Variants in SLC2A9 observed in about 807,000 individuals in gnomAD.
The protein encoded by SLC2A9 is solute carrier family 2, facilitated glucose transporter member 9.
A neutral mutation model predicts 50.6 loss-of-function variants in SLC2A9; 39 were observed. That is an observed-to-expected ratio of 0.77 (90% CI 0.60 to 1.01). The LOEUF (loss-of-function observed/expected upper bound fraction) is 1.01. Ranked by LOEUF, SLC2A9 falls within the 50% of genes least tolerant of loss-of-function variation. The pLI is 0.00. For missense variants in SLC2A9, 686 were observed against 677.6 expected (o/e 1.01, Z -0.14); for synonymous variants, 324 against 276.9 (o/e 1.17, Z -1.69).
upstream of SLC2A9, among the ~76,000 whole-genome samples, chr4:10,025,483 GAAGA>G (rs139172497): frequency 4.8e-3 from 725 of 152,308 alleles, 7 homozygotes; most frequent in African/African-American, 0.016. Context: ...TGAGTCCCAA[GAAGA>G]AAGAAAGTCA....
intron 6 of SLC2A9, among the ~76,000 whole-genome samples, chr4:9,938,017 T>TC (rs908570543): frequency 3.8e-4 from 58 of 151,986 alleles, no homozygotes; most frequent in African/African-American, 1.3e-3. Flanking sequence ...TTCTCTTTGT[T>TC]CCCCCCCGAA....
At chr4:9,844,203 C>T (rs1454912637) in intron 10 of SLC2A9, among the ~76,000 whole-genome samples, 6 of 128,252 alleles carry the variant, frequency 4.7e-5, no homozygotes, top group South Asian at 2.7e-4. Flanking sequence ...CCTTTCTTTA[C>T]AGAATAACAA....
Position 9,801,449 on chromosome 4 carries a change from G to T in SLC2A9, n.421-2208C>A, listed in dbSNP as rs932181293. On this transcript the variant is annotated intron_variant and non_coding_transcript_variant, in intron 3 of 3. Coordinates refer to the SLC2A9 transcript ENST00000503280. ...CACTTGAGGGTGTGTTTTTGAGCTG[G>T]TTTACACAATAAATTCAACCCCGTT... 2.6e-5 allele frequency among the ~76,000 whole-genome samples: 4 copies of T among 152,174 alleles called. No homozygotes were observed. The East Asian group carries it at 5.8e-4, about 22-fold the overall frequency.
chr4:9,772,803 A>G (rs559257723), intron 1 of SLC2A9, among the ~76,000 whole-genome samples: 3 of 142,438 alleles, frequency 2.1e-5, no homozygotes, highest in Admixed American at 1.5e-4. Context: ...AGCATTAGGG[A>G]TGCCATTTTA....
intron 8 of SLC2A9, among the ~76,000 whole-genome samples, chr4:9,899,193 G>A (rs546521860): frequency 6.6e-6 from 1 of 152,352 alleles, no homozygotes; most frequent in Admixed American, 6.5e-5. Context: ...ATCCTGACAT[G>A]TTGGAATGGA....
chr4:10,028,431 C>G (rs1156286176), intron 1 of SLC2A9, among the ~76,000 whole-genome samples: 1 of 152,246 alleles, frequency 6.6e-6, no homozygotes, highest in Non-Finnish European at 1.5e-5. Flanking sequence ...GACATCCACA[C>G]TGGCTGAGGT....
At chr4:9,783,314 G>A (rs372758943) in intron 3 of SLC2A9, 3 of 1,614,226 alleles carry the variant, frequency 1.9e-6, no homozygotes, top group Non-Finnish European at 2.5e-6. Flanking sequence ...GGACAACGAC[G>A]AGGAGGAGGG....
rs1343603133 is a variant in SLC2A9 at position 9,969,126 on chromosome 4, C to T, written c.681+11466G>A. The stretch of plus-strand genomic sequence containing the variant: ...AAGCCTCAAAGGACTTCTCTCTCAT[C>T]TTGTAGAGATATTAAATAATTAGGC... On this transcript the variant is annotated intron_variant, in intron 5 of 11. Coordinates refer to ENST00000264784, the MANE Select transcript of SLC2A9 (RefSeq NM_020041.3). Among the ~76,000 whole-genome samples the T allele has an allele frequency of 2.0e-5, 3 of 152,028 alleles. No individual in the cohort carries two copies. In the East Asian group the frequency reaches 5.8e-4, roughly 29 times the overall value.
At chr4:9,819,120 A>G (rs969744564) in intron 3 of SLC2A9, among the ~76,000 whole-genome samples, 4 of 149,790 alleles carry the variant, frequency 2.7e-5, no homozygotes, top group African/African-American at 9.9e-5. Context: ...CTGTCTCAAA[A>G]AAAAAAAAAA....
chr4:10,008,745 C>T (rs1273711100), intron 2 of SLC2A9, among the ~76,000 whole-genome samples: 2 of 152,074 alleles, frequency 1.3e-5, no homozygotes, highest in African/African-American at 4.8e-5. Context: ...AGCTAGGTAG[C>T]CTTAGGCCAG....
At chr4:10,022,509 A>T (rs955251625), upstream of SLC2A9, among the ~76,000 whole-genome samples, 58 of 152,234 alleles carry the variant, frequency 3.8e-4, no homozygotes, top group African/African-American at 1.3e-3. Context: ...GAATCAGTTC[A>T]TCACATGGCC....
intron 3 of SLC2A9, 128 bp downstream of exon 3, chr4:9,996,653 T>C (rs1183821739): frequency 6.0e-6 from 7 of 1,163,940 alleles, no homozygotes; most frequent in Non-Finnish European, 8.7e-6. Context: ...CCTTTCCCCT[T>C]TGGGCATTTG....
intron 9 of SLC2A9, among the ~76,000 whole-genome samples, chr4:9,889,767 C>T (rs569476574): frequency 1.6e-3 from 241 of 152,300 alleles, no homozygotes; most frequent in Non-Finnish European, 2.2e-3. Flanking sequence ...CCTTGCTTCA[C>T]GCTTCCCATG....
chr4:9,892,399 T>C (rs1737659780), intron 8 of SLC2A9, among the ~76,000 whole-genome samples: 1 of 152,198 alleles, frequency 6.6e-6, no homozygotes, highest in Admixed American at 6.5e-5. Flanking sequence ...GCCTTTCTCC[T>C]GGGTGCTTAG....
intron 2 of SLC2A9, among the ~76,000 whole-genome samples, chr4:10,012,298 A>G (rs560249756): frequency 6.6e-6 from 1 of 152,356 alleles, no homozygotes; most frequent in East Asian, 1.9e-4. Flanking sequence ...AGGTGGTCCC[A>G]GAAGTTTTCC....
intron 1 of SLC2A9, among the ~76,000 whole-genome samples, chr4:10,037,061 C>A (rs1373153187): frequency 1.3e-5 from 2 of 152,176 alleles, no homozygotes; most frequent in African/African-American, 4.8e-5. Flanking sequence ...GCTTAATTCC[C>A]AATCCTCAGC....
At chr4:9,809,451 G>A (rs1354131399) in intron 3 of SLC2A9, among the ~76,000 whole-genome samples, 1 of 152,208 alleles carries the variant, frequency 6.6e-6, no homozygotes. Flanking sequence ...GGACCACAGG[G>A]CGCCTGACTC....
intron 3 of SLC2A9, among the ~76,000 whole-genome samples, chr4:9,993,655 G>C (rs888336993): frequency 6.6e-6 from 1 of 152,046 alleles, no homozygotes; most frequent in Non-Finnish European, 1.5e-5. Context: ...TCACTGTCCT[G>C]TCTCATGAGG....
At chr4:9,855,843 C>A (rs1338800565) in intron 10 of SLC2A9, among the ~76,000 whole-genome samples, 1 of 152,102 alleles carries the variant, frequency 6.6e-6, no homozygotes, top group African/African-American at 2.4e-5. Context: ...AACAAGCTGA[C>A]AAAAACAAGC....
Sources: allele counts gnomAD v4.1 joint callset (sites outside exome capture counted in the v4.1 genomes callset), GRCh38; gene constraint gnomAD v4.1.1; transcripts MANE v1.5; gene names NCBI Gene and HGNC (gene_info 2026-07-23, HGNC 2026-07-21).